Variants in DOCK7 observed in about 807,000 individuals in gnomAD.
DOCK7 encodes the protein dedicator of cytokinesis 7.
DOCK7 carries 138 observed loss-of-function variants against 271.0 expected under a neutral mutation model. That is an observed-to-expected ratio of 0.51 (90% confidence interval 0.44 to 0.59). The LOEUF (loss-of-function observed/expected upper bound fraction) is 0.59, where lower values mean the gene tolerates loss of function less well. Ranked by LOEUF, DOCK7 falls within the 20% of genes least tolerant of loss-of-function variation. The pLI is 0.00. For missense variants in DOCK7, 2,066 were observed against 2,592.4 expected (o/e 0.80, Z 4.41); for synonymous variants, 823 against 876.1 (o/e 0.94, Z 1.07).
intron 15 of DOCK7, 81 bp downstream of exon 15, chr1:62,586,426 G>T: frequency 1.1e-6 from 1 of 937,976 alleles, no homozygotes; most frequent in Non-Finnish European, 1.6e-6. Flanking sequence ...TTTCCAGGTT[G>T]CAGTTGCCAA....
intron 47 of DOCK7, 75 bp from the exon 48 acceptor site, chr1:62,474,163 T>C (rs562975642): frequency 1.1e-5 from 14 of 1,289,550 alleles, no homozygotes; most frequent in Admixed American, 4.1e-5. Flanking sequence ...ACTCAAATGA[T>C]TTTTCTTAGC....
chr1:62,504,500 T>G (rs1177992387), intron 37 of DOCK7, 130 bp downstream of exon 37: 1 of 987,754 alleles, frequency 1.0e-6, no homozygotes, highest in Non-Finnish European at 1.4e-6. Flanking sequence ...ATGAGAAATA[T>G]CAAGATAGCC....
At chr1:62,680,406 TAC>T (rs1660984816) in intron 1 of DOCK7, among the ~76,000 whole-genome samples, 1 of 152,090 alleles carries the variant, frequency 6.6e-6, no homozygotes, top group Admixed American at 6.6e-5. Flanking sequence ...ATTAAAGACT[TAC>T]ATGTTAAACC....
Position 62,533,109 on chromosome 1 carries a change from C to T in DOCK7, c.3611+2384G>A, listed in dbSNP as rs557066939. Among the ~76,000 whole-genome samples the T allele has an allele frequency of 2.0e-5, 3 of 151,068 alleles. No homozygotes were observed. In the East Asian group the frequency reaches 5.8e-4, roughly 29 times the overall value. On this transcript the variant is annotated intron_variant, in intron 29 of 49. Coordinates refer to ENST00000635253, the MANE Select transcript of DOCK7 (RefSeq NM_001367561.1). The stretch of plus-strand genomic sequence containing the variant: ...GGTTTATCCGTTCGGAGCCCCCCCT[C>T]CCTCTATATCAGGCAGCCGTTTTCT...
chr1:62,525,931 A>T (rs1204161242), intron 31 of DOCK7, among the ~76,000 whole-genome samples: 1 of 152,172 alleles, frequency 6.6e-6, no homozygotes, highest in Non-Finnish European at 1.5e-5. Flanking sequence ...AGAAATCTTA[A>T]AATAGCAACC....
At chr1:62,582,711 T>C (rs936183758) in intron 16 of DOCK7, among the ~76,000 whole-genome samples, 1 of 151,866 alleles carries the variant, frequency 6.6e-6, no homozygotes, top group Admixed American at 6.6e-5. Context: ...CCCAACAGTA[T>C]TCAATAATCC....
intron 37 of DOCK7, among the ~76,000 whole-genome samples, chr1:62,502,706 C>T (rs967984224): frequency 2.6e-5 from 4 of 152,118 alleles, no homozygotes; most frequent in Non-Finnish European, 5.9e-5. Context: ...ATAAACACTA[C>T]ATCCCCAAAA....
chr1:62,468,951 G>T (rs1269246717), intron 48 of DOCK7, among the ~76,000 whole-genome samples: 6 of 152,158 alleles, frequency 3.9e-5, no homozygotes, highest in Admixed American at 2.0e-4. Context: ...CACATCCCAT[G>T]TTCATGGATG....
intron 4 of DOCK7, among the ~76,000 whole-genome samples, chr1:62,651,587 G>A (rs1035531888): frequency 4.0e-5 from 6 of 148,184 alleles, no homozygotes; most frequent in African/African-American, 1.0e-4. Flanking sequence ...TATCCACACC[G>A]CCATTAAGCC....
chr1:62,649,773 C>T (rs1239731472), intron 4 of DOCK7, among the ~76,000 whole-genome samples: 2 of 152,132 alleles, frequency 1.3e-5, no homozygotes, highest in African/African-American at 4.8e-5. Context: ...ACGGTTCCAG[C>T]CACACTGTCC....
chr1:62,622,922 T>TCAAAAA (rs937158240), intron 12 of DOCK7, among the ~76,000 whole-genome samples: 12 of 151,534 alleles, frequency 7.9e-5, no homozygotes, highest in South Asian at 2.1e-4. Context: ...AGAGCAAGAC[T>TCAAAAA]CAAAAACAAA....
At position 62,520,067 on chromosome 1, in the gene DOCK7, G is replaced by T. The variant is rs185420114; in HGVS notation, c.3937-6169C>A. On this transcript the variant is annotated intron_variant, in intron 31 of 49. Coordinates refer to ENST00000635253, the MANE Select transcript of DOCK7 (RefSeq NM_001367561.1). The stretch of plus-strand genomic sequence containing the variant: ...AGCCATATGCAGAAAACTGAAACTG[G>T]ATCCCTTCCTTATACCTTATACAAA... Among the ~76,000 whole-genome samples, 7 of 152,250 alleles carry T rather than the reference G, an allele frequency of 4.6e-5. No homozygotes were observed. The East Asian group carries it at 1.4e-3, about 29-fold the overall frequency.
intron 7 of DOCK7, among the ~76,000 whole-genome samples, chr1:62,643,363 T>C (rs970482010): frequency 6.6e-6 from 1 of 152,234 alleles, no homozygotes; most frequent in Non-Finnish European, 1.5e-5. Flanking sequence ...GCTTCAAGAA[T>C]GTGTTTGTTG....
intron 15 of DOCK7, chr1:62,584,886 G>C (rs1335476721): frequency 1.4e-6 from 1 of 714,390 alleles, no homozygotes; most frequent in Admixed American, 2.0e-5. Context: ...GCTCTGTAGA[G>C]GAGGCCACAT....
intron 22 of DOCK7, among the ~76,000 whole-genome samples, chr1:62,550,369 T>C (rs1645856509): frequency 6.6e-6 from 1 of 152,106 alleles, no homozygotes; most frequent in African/African-American, 2.4e-5. Flanking sequence ...ATGGTAAAAG[T>C]TTATCAAAGT....
At chr1:62,465,423 T>G (rs1452287037) in intron 48 of DOCK7, among the ~76,000 whole-genome samples, 1 of 151,832 alleles carries the variant, frequency 6.6e-6, no homozygotes, top group African/African-American at 2.4e-5. Flanking sequence ...TAGATTGAGA[T>G]CTGTAGCTAC....
Position 62,631,231 on chromosome 1 carries a change from C to A in DOCK7, c.1282+9G>T. The A allele has an allele frequency of 5.1e-6, 8 of 1,563,262 alleles. No homozygotes were observed. The highest frequency in any genetic ancestry group is 1.2e-5 in the South Asian group (1 of 82,478). ...ACATTTAGAAATGTTTTGTATGAAACACTCTTACCTCCAGTACTGATTTCT... is the reference window on the plus strand; with the variant it reads ...ACATTTAGAAATGTTTTGTATGAAAAACTCTTACCTCCAGTACTGATTTCT... On this transcript the variant is annotated intron_variant, in intron 11 of 49. Coordinates refer to ENST00000635253, the MANE Select transcript of DOCK7 (RefSeq NM_001367561.1).
rs1653704880 is a variant in DOCK7 at position 62,624,619 on chromosome 1, C to T, written c.1425+640G>A. On this transcript the variant is annotated intron_variant, in intron 12 of 49. Transcript: ENST00000635253. ...GTGGGGAAGACATGTAGGCCACATA[C>T]TCATTCTCATAAAGAAAATTCATAA... 4.6e-5 allele frequency among the ~76,000 whole-genome samples: 7 copies of T among 152,232 alleles called. No individual in the cohort carries two copies. The South Asian group carries it at 1.5e-3, about 32-fold the overall frequency.
At chr1:62,657,718 G>C (rs1184550678) in intron 2 of DOCK7, among the ~76,000 whole-genome samples, 1 of 152,060 alleles carries the variant, frequency 6.6e-6, no homozygotes, top group Non-Finnish European at 1.5e-5. Flanking sequence ...CAAAGAAACA[G>C]AAGATATAAA....
Sources: allele counts gnomAD v4.1 joint callset (sites outside exome capture counted in the v4.1 genomes callset), GRCh38; gene constraint gnomAD v4.1.1; transcripts MANE v1.5; gene names NCBI Gene and HGNC (gene_info 2026-07-23, HGNC 2026-07-21).